Variants in MPP7 observed in about 807,000 individuals in gnomAD.
MPP7 encodes the protein MAGUK p55 subfamily member 7.
In MPP7, 60 loss-of-function variants were observed where a neutral mutation model predicts 76.5. That is an observed-to-expected ratio of 0.78 (90% CI 0.64 to 0.97). The LOEUF (loss-of-function observed/expected upper bound fraction) is 0.97, where lower values mean the gene tolerates loss of function less well. MPP7 is among the 50% of genes least tolerant of loss of function. The pLI is 0.00. For missense variants in MPP7, 641 were observed against 694.0 expected (o/e 0.92, Z 0.86); for synonymous variants, 237 against 244.5 (o/e 0.97, Z 0.29).
intron 12 of MPP7, among the ~76,000 whole-genome samples, chr10:28,085,679 T>A (rs1478252809): frequency 6.6e-6 from 1 of 152,108 alleles, no homozygotes; most frequent in Non-Finnish European, 1.5e-5. Context: ...GTATTTAGCA[T>A]CTCCAGTTTA....
In MPP7 at chr10:28,214,587, C is replaced by G. The variant is rs756817344; in HGVS notation, c.38-12316G>C. Among the ~76,000 whole-genome samples the G allele has an allele frequency of 1.1e-4, 17 of 152,106 alleles. No individual in the cohort carries two copies. In the East Asian group the frequency reaches 2.5e-3, roughly 22 times the overall value. ...AGGCACTATGAAGGGCTGGAGATGC[C>G]GTGACGATGAAACCGCCTTTGCAAA... On this transcript the variant is annotated intron_variant, in intron 2 of 16. Transcript: ENST00000683449.
chr10:28,216,692 C>T (rs1409783978), intron 2 of MPP7, among the ~76,000 whole-genome samples: 1 of 152,182 alleles, frequency 6.6e-6, no homozygotes, highest in Non-Finnish European at 1.5e-5. Context: ...CTATGGCATA[C>T]AGATGTGGGC....
At chr10:28,282,782 C>T (rs897182987) in intron 1 of MPP7, among the ~76,000 whole-genome samples, 2 of 151,930 alleles carry the variant, frequency 1.3e-5, no homozygotes, top group African/African-American at 4.8e-5. Context: ...CAACCCCTCG[C>T]TATTGCCTGC....
At chr10:28,297,329 C>A (rs1295435627) in intron 1 of MPP7, among the ~76,000 whole-genome samples, 1 of 152,126 alleles carries the variant, frequency 6.6e-6, no homozygotes, top group Non-Finnish European at 1.5e-5. Context: ...AGGATTTTGC[C>A]TTGATGTTGA....
intron 13 of MPP7, among the ~76,000 whole-genome samples, chr10:28,067,643 A>G (rs1406121458): frequency 6.6e-6 from 1 of 152,204 alleles, no homozygotes; most frequent in East Asian, 1.9e-4. Flanking sequence ...AGAGGCAAAC[A>G]TTTAAACAGC....
At chr10:28,067,136 AT>A (rs1225502563) in intron 13 of MPP7, among the ~76,000 whole-genome samples, 1 of 152,164 alleles carries the variant, frequency 6.6e-6, no homozygotes, top group Non-Finnish European at 1.5e-5. Flanking sequence ...TTCCAAAATG[AT>A]TGTGTTAATT....
chr10:28,207,214 C>T (rs1172145658), intron 2 of MPP7, among the ~76,000 whole-genome samples: 1 of 151,832 alleles, frequency 6.6e-6, no homozygotes, highest in African/African-American at 2.4e-5. Context: ...GCAGGTGAAG[C>T]ATTTCAATAA....
At chr10:28,249,093 A>G (rs983384081) in intron 1 of MPP7, among the ~76,000 whole-genome samples, 4 of 152,064 alleles carry the variant, frequency 2.6e-5, no homozygotes, top group Admixed American at 6.6e-5. Context: ...AAAATGAATG[A>G]GTGACTACTG....
chr10:28,317,358 T>G (rs1439417105), intron 2 of MPP7, among the ~76,000 whole-genome samples: 1 of 152,098 alleles, frequency 6.6e-6, no homozygotes, highest in African/African-American at 2.4e-5. Context: ...GGAGAGCCCA[T>G]CTTTACCAAA....
rs181771321 is a variant in MPP7 at position 28,161,155 on chromosome 10, C to G, written c.157-11096G>C. ...ATTTATGGCACTATTTCAAAATCGTCCTTTCACACACTAACATACATTTTT... is the reference window on the plus strand; with the variant it reads ...ATTTATGGCACTATTTCAAAATCGTGCTTTCACACACTAACATACATTTTT... On this transcript the variant is annotated intron_variant, in intron 3 of 16. Coordinates refer to ENST00000683449, the MANE Select transcript of MPP7 (RefSeq NM_001318170.2). Among the ~76,000 whole-genome samples, 608 of 152,256 alleles carry G rather than the reference C, an allele frequency of 4.0e-3. 1 individual carries two copies. The highest frequency in any genetic ancestry group is 5.6e-3 in the Non-Finnish European group (384 of 68,010).
intron 8 of MPP7, 137 bp from the exon 9 acceptor site, chr10:28,120,805 C>T (rs1447776482): frequency 3.5e-5 from 20 of 570,770 alleles, no homozygotes; most frequent in Non-Finnish European, 4.8e-5. Flanking sequence ...ACGGAGGAAA[C>T]TATTTTTGTA....
intron 15 of MPP7, chr10:28,057,756 T>A (rs1420613760): frequency 1.6e-6 from 2 of 1,288,836 alleles, no homozygotes; most frequent in African/African-American, 3.0e-5. Flanking sequence ...TTCATCTTCC[T>A]TTAGAGGTCC....
At chr10:28,126,885 T>A (rs1835033941) in intron 6 of MPP7, among the ~76,000 whole-genome samples, 1 of 152,102 alleles carries the variant, frequency 6.6e-6, no homozygotes, top group Non-Finnish European at 1.5e-5. Flanking sequence ...GCTAGCCAAG[T>A]AAAGGTAACA....
At chr10:28,331,525 A>C (rs927282324) in intron 1 of MPP7, among the ~76,000 whole-genome samples, 2 of 152,188 alleles carry the variant, frequency 1.3e-5, no homozygotes, top group African/African-American at 4.8e-5. Context: ...CAAGCTAAAG[A>C]GGATATTTTT....
At chr10:28,223,438 G>A (rs1309664550) in intron 2 of MPP7, among the ~76,000 whole-genome samples, 1 of 152,138 alleles carries the variant, frequency 6.6e-6, no homozygotes, top group Non-Finnish European at 1.5e-5. Context: ...GTTCACCTAT[G>A]CTCAAATTTG....
intron 2 of MPP7, among the ~76,000 whole-genome samples, chr10:28,329,468 A>C (rs1283624331): frequency 6.6e-6 from 1 of 152,034 alleles, no homozygotes; most frequent in East Asian, 1.9e-4. Context: ...CTCTACTAAA[A>C]ATACAAAAAA....
At chr10:28,076,559 AG>A (rs1242430668) in intron 12 of MPP7, among the ~76,000 whole-genome samples, 6 of 152,188 alleles carry the variant, frequency 3.9e-5, no homozygotes, top group Admixed American at 3.9e-4. Context: ...ACACACACAC[AG>A]AAGCAAACAC....
chr10:28,116,325 T>C (rs970471962), intron 11 of MPP7, among the ~76,000 whole-genome samples: 2 of 152,134 alleles, frequency 1.3e-5, no homozygotes, highest in Admixed American at 6.5e-5. Flanking sequence ...AACCAAACTA[T>C]AAAAATAAGT....
chr10:28,111,432 A>C (rs1834502728), intron 11 of MPP7, among the ~76,000 whole-genome samples: 1 of 152,206 alleles, frequency 6.6e-6, no homozygotes, highest in South Asian at 2.1e-4. Flanking sequence ...AATGGGAAAA[A>C]TAACCAGAAC....
Sources: gnomAD v4.1 joint callset for allele counts (sites outside exome capture counted in the v4.1 genomes callset) on GRCh38, gnomAD v4.1.1 for gene constraint, MANE v1.5 for transcripts, NCBI Gene and HGNC (gene_info 2026-07-23, HGNC 2026-07-21) for gene names.